The following BSPRY variants were observed in gnomAD, a reference collection of about 807,000 sequenced individuals.
BSPRY encodes the protein B box and SPRY domain-containing protein.
BSPRY carries 33 observed loss-of-function variants against 38.0 expected under a neutral mutation model. The ratio of observed to expected loss-of-function variants is 0.87; its 90% CI spans 0.66 to 1.16. BSPRY has a LOEUF of 1.16. Ranked by LOEUF, BSPRY falls within the 50% of genes most tolerant of loss-of-function variation. The pLI is 0.00. For missense variants in BSPRY, 523 were observed against 533.2 expected, an observed-to-expected ratio of 0.98 and a Z score of 0.19; for synonymous variants, 224 against 228.5, an observed-to-expected ratio of 0.98 and a Z score of 0.18.
At chr9:113,351,229 C>T (rs140491393) in intron 1 of BSPRY, among the ~76,000 whole-genome samples, 3 of 152,284 alleles carry the variant, frequency 2.0e-5, no homozygotes, top group Non-Finnish European at 4.4e-5. Flanking sequence ...CTTTGAACCC[C>T]TCTGAGGCCG....
In BSPRY at chr9:113,369,677, T is replaced by C; in HGVS notation, c.744T>C (p.Asp248=). Reference sequence around the variant, plus strand: ...GCCCCTTCCTGCAATTGTCAGATGATCGAAAGACCCTGACCTTCAGCACCA... The same window carrying C: ...GCCCCTTCCTGCAATTGTCAGATGACCGAAAGACCCTGACCTTCAGCACCA... ...TVSPFLQLSD[D]RKTLTFSTKK... Residue 248 remains aspartate, a synonymous_variant, in exon 6 of 6, where the codon GAT becomes GAC. Coordinates refer to ENST00000374183, the MANE Select transcript of BSPRY (RefSeq NM_017688.3). 1 of 1,614,106 alleles carries C rather than the reference T, an allele frequency of 6.2e-7. No homozygotes were observed. Among genetic ancestry groups the C allele is most frequent in the Non-Finnish European group, 8.5e-7 (1 of 1,180,008 alleles).
intron 1 of BSPRY, among the ~76,000 whole-genome samples, chr9:113,351,536 A>C (rs1337441623): frequency 6.6e-6 from 1 of 152,146 alleles, no homozygotes; most frequent in Non-Finnish European, 1.5e-5. Context: ...TGGACCTATG[A>C]AATGTAACTA....
Position 113,354,299 on chromosome 9 carries a change from T to C in BSPRY, c.261T>C (p.Tyr87=), listed in dbSNP as rs1834021727. 6.2e-7 allele frequency: 1 copy of C among 1,614,134 alleles called. No homozygotes were observed. Among genetic ancestry groups the C allele is most frequent in the African/African-American group, 1.3e-5 (1 of 75,012 alleles). Residue 87 remains tyrosine (Y), a synonymous_variant, in exon 2 of 6, where the codon TAT becomes TAC. Transcript: ENST00000374183. ...TACAGAGTGCTGCCATCACCAAGTA[T>C]GTGGCGGACGTCCTGCCGGGGAAGA... is the stretch of plus-strand genomic sequence containing the variant. ...LQLQSAAITK[Y]VADVLPGKNQ...
At chr9:113,350,503 G>C (rs1311726540) in intron 1 of BSPRY, among the ~76,000 whole-genome samples, 1 of 152,052 alleles carries the variant, frequency 6.6e-6, no homozygotes, top group Non-Finnish European at 1.5e-5. Flanking sequence ...CTCCAGGGTG[G>C]CCACCTCCTT....
At position 113,358,841 on chromosome 9, in the gene BSPRY, G is replaced by C. The variant is rs563892933; in HGVS notation, c.301-1666G>C. Among the ~76,000 whole-genome samples the C allele has an allele frequency of 5.9e-5, 9 of 152,216 alleles. No homozygotes were observed. In the South Asian group the frequency reaches 1.9e-3, roughly 32 times the overall value. ...CATGGTTTCAGGGGCTCACCCTGTG[G>C]GTAAGGCATTAAAGTGGGATAAACA... On this transcript the variant is annotated intron_variant, in intron 2 of 5. Transcript: ENST00000374183.
chr9:113,349,908 C>G lies in BSPRY; in HGVS notation c.201+128C>G, dbSNP rs1833944525. 10 of 1,152,876 alleles carry G rather than the reference C, an allele frequency of 8.7e-6. No individual in the cohort carries two copies. The East Asian group carries it at 2.9e-4, about 33-fold the overall frequency. 71.4% of individuals were successfully genotyped at this position (1,152,876 alleles called of 1,614,324 possible). A position where few individuals can be genotyped will look rare whatever the true frequency, so the allele number is the denominator to read the frequency against. ...ACCCGGCCCCGGAGCCTAGGCTCCT[C>G]GGTGGCTTTGGCTGTAGGACTAGGC... On this transcript the variant is annotated intron_variant, in intron 1 of 5. Coordinates refer to ENST00000374183, the MANE Select transcript of BSPRY (RefSeq NM_017688.3).
intron 4 of BSPRY, among the ~76,000 whole-genome samples, chr9:113,363,810 G>A (rs1211375143): frequency 2.7e-5 from 4 of 148,474 alleles, no homozygotes; most frequent in African/African-American, 7.5e-5. Flanking sequence ...CCCAGGAGGC[G>A]GAGGTTGCAG....
chr9:113,357,932 ATATATATATATC>A (rs1455990636), intron 2 of BSPRY, among the ~76,000 whole-genome samples: 11 of 49,494 alleles, frequency 2.2e-4, no homozygotes, highest in African/African-American at 1.4e-3. Flanking sequence ...ATATATATAT[ATATATATATATC>A]TCTATTAAGC....
At chr9:113,360,447 C>G in intron 2 of BSPRY, 60 bp from the exon 3 acceptor site, 3 of 1,513,956 alleles carry the variant, frequency 2.0e-6, no homozygotes, top group East Asian at 4.8e-5. Flanking sequence ...CCTAAACCCT[C>G]TTAAATCCTG....
At position 113,369,858 on chromosome 9, in the gene BSPRY, C is replaced by G; in HGVS notation, c.925C>G (p.Arg309Gly). 3.1e-6 allele frequency: 5 copies of G among 1,614,240 alleles called. No individual in the cohort carries two copies. Among genetic ancestry groups the G allele is most frequent in the Non-Finnish European group, 4.2e-6 (5 of 1,180,038 alleles). The change falls in exon 6 of 6, where the codon CGC (arginine) becomes GGC (glycine). Residue 309 changes from arginine to glycine, a missense_variant. Coordinates refer to ENST00000374183, the MANE Select transcript of BSPRY (RefSeq NM_017688.3). ...GGGCGTGGCTTCAGGCCACCTGCCCCGCAAGGGTTCTGGCAGTGACTGCCG... is the reference window on the plus strand; with the variant it reads ...GGGCGTGGCTTCAGGCCACCTGCCCGGCAAGGGTTCTGGCAGTGACTGCCG... ...KVGVASGHLP[R>G]KGSGSDCRLG...
At chr9:113,361,200 C>T (rs1022550641) in intron 3 of BSPRY, among the ~76,000 whole-genome samples, 4 of 152,144 alleles carry the variant, frequency 2.6e-5, no homozygotes, top group East Asian at 1.9e-4. Context: ...TACCTGCCCA[C>T]GCTGTATTCA....
intron 2 of BSPRY, among the ~76,000 whole-genome samples, chr9:113,358,255 A>G (rs1834096053): frequency 6.7e-6 from 1 of 150,022 alleles, no homozygotes; most frequent in African/African-American, 2.5e-5. Flanking sequence ...CTCAAAAAAC[A>G]AAAAATAAAA....
At chr9:113,357,835 A>G (rs1454241453) in intron 2 of BSPRY, among the ~76,000 whole-genome samples, 2 of 139,154 alleles carry the variant, frequency 1.4e-5, no homozygotes, top group Non-Finnish European at 3.1e-5. Context: ...TGGCCTCCCA[A>G]ACTGCTTGGA....
At position 113,349,624 on chromosome 9, in the gene BSPRY, GC is replaced by G; in HGVS notation, c.48del (p.Pro18ArgfsTer12). On this transcript the variant is annotated frameshift_variant, in exon 1 of 6. Transcript: ENST00000374183. LOFTEE classifies it high-confidence loss of function. ...AEPGPGSGSG[P>X]GPGPLCPEHG... is the part of the protein sequence containing the mutation. ...AGCCGGGGCCGGGGTCCGGGTCCGG[GC>G]CCGGGCCGGGGCCACTCTGCCCCGA... The G allele has an allele frequency of 8.3e-7, 1 of 1,204,720 alleles. No individual in the cohort carries two copies. The highest frequency in any genetic ancestry group is 3.7e-5 in the South Asian group (1 of 26,722). The allele number at this position is 1,204,720 out of a possible 1,614,324, so 74.6% of individuals were successfully genotyped here. A position where few individuals can be genotyped will look rare whatever the true frequency, so the allele number is the denominator to read the frequency against.
Position 113,369,805 on chromosome 9 carries a change from A to G in BSPRY, c.872A>G (p.Asn291Ser), listed in dbSNP as rs1230944432. ...AATGGGCTCCATGCCTGGATGGTGA[A>G]TGTCCAGAACAGTTGTGCCTATAAG... ...FQNGLHAWMV[N>S]VQNSCAYKVG... is the part of the protein sequence containing the mutation. The change falls in exon 6 of 6, where the codon AAT (asparagine) becomes AGT (serine). Residue 291 changes from asparagine (N) to serine (S), a missense_variant. Physicochemically the swap from Asn to Ser is conservative, Grantham distance 46 (BLOSUM62 1). Coordinates refer to ENST00000374183, the MANE Select transcript of BSPRY (RefSeq NM_017688.3). 3 of 1,614,168 alleles carry G rather than the reference A, an allele frequency of 1.9e-6. No individual in the cohort carries two copies. The East Asian group carries it at 6.7e-5, about 36-fold the overall frequency.
At chr9:113,365,177 C>T (rs1834228234) in intron 4 of BSPRY, among the ~76,000 whole-genome samples, 1 of 152,116 alleles carries the variant, frequency 6.6e-6, no homozygotes, top group Admixed American at 6.5e-5. Flanking sequence ...GCCAGGTTTC[C>T]TCATTATAAA....
chr9:113,350,364 T>C (rs1019471418), intron 1 of BSPRY, among the ~76,000 whole-genome samples: 3 of 152,116 alleles, frequency 2.0e-5, no homozygotes, highest in Admixed American at 1.3e-4. Flanking sequence ...CTTTTTCGCT[T>C]TCAGGATTGG....
chr9:113,368,582 A>G (rs183029062), intron 5 of BSPRY, among the ~76,000 whole-genome samples, 199 bp downstream of exon 5: 2 of 152,266 alleles, frequency 1.3e-5, no homozygotes, highest in East Asian at 1.9e-4. Context: ...CCATTTCCGG[A>G]CTAACATGTT....
intron 2 of BSPRY, among the ~76,000 whole-genome samples, chr9:113,359,235 T>C (rs1262293245): frequency 1.3e-5 from 2 of 152,164 alleles, no homozygotes; most frequent in African/African-American, 2.4e-5. Flanking sequence ...ATAAGGAATA[T>C]GTTCTAAGTT....
Sources: allele counts gnomAD v4.1 joint callset (sites outside exome capture counted in the v4.1 genomes callset), GRCh38; gene constraint gnomAD v4.1.1; transcripts MANE v1.5; gene names NCBI Gene and HGNC (gene_info 2026-07-23, HGNC 2026-07-21).